The following GPR158 variants were observed in gnomAD, a reference collection of about 807,000 sequenced individuals.
The protein encoded by GPR158 is metabotropic glycine receptor.
GPR158 carries 30 observed loss-of-function variants against 78.2 expected under a neutral mutation model. The ratio of observed to expected loss-of-function variants is 0.38; its 90% CI spans 0.29 to 0.52. GPR158 has a LOEUF of 0.52. Among genes scored for constraint, GPR158 ranks in the 20% least tolerant of loss-of-function variants. The pLI, the probability that GPR158 is intolerant of heterozygous loss-of-function variation, is 0.83. For synonymous variants in GPR158, 581 were observed against 591.1 expected (o/e 0.98, Z 0.25); for missense variants, 1,463 against 1,523.5 (o/e 0.96, Z 0.66).
chr10:25,345,033 CCTAATA>C (rs1219387351), intron 2 of GPR158, among the ~76,000 whole-genome samples: 1 of 151,960 alleles, frequency 6.6e-6, no homozygotes, highest in Non-Finnish European at 1.5e-5. Flanking sequence ...GATCTCACCT[CCTAATA>C]CTATCACCTT....
At chr10:25,205,508 T>G (rs1853012430) in intron 1 of GPR158, among the ~76,000 whole-genome samples, 1 of 152,100 alleles carries the variant, frequency 6.6e-6, no homozygotes, top group Non-Finnish European at 1.5e-5. Flanking sequence ...CCTTTATGTG[T>G]GATGTTCGGC....
intron 2 of GPR158, among the ~76,000 whole-genome samples, chr10:25,224,880 A>G (rs1316297920): frequency 6.6e-6 from 1 of 152,124 alleles, no homozygotes; most frequent in Non-Finnish European, 1.5e-5. Flanking sequence ...TCGGTTAAAA[A>G]CCCACTGAAT....
intron 2 of GPR158, among the ~76,000 whole-genome samples, chr10:25,231,457 T>C (rs921318741): frequency 6.6e-6 from 1 of 152,344 alleles, no homozygotes; most frequent in Non-Finnish European, 1.5e-5. Context: ...TCATGGTGTT[T>C]GGAGTCTGCT....
chr10:25,432,358 T>G (rs1834923093), intron 4 of GPR158, among the ~76,000 whole-genome samples: 1 of 152,216 alleles, frequency 6.6e-6, no homozygotes, highest in East Asian at 1.9e-4. Flanking sequence ...GACTATAAAC[T>G]GATAGAATGT....
intron 2 of GPR158, among the ~76,000 whole-genome samples, chr10:25,377,524 A>C (rs1311099046): frequency 6.6e-6 from 1 of 152,000 alleles, no homozygotes; most frequent in Non-Finnish European, 1.5e-5. Flanking sequence ...CCCTGTACTC[A>C]TTAGGTTCAT....
rs547597371 is a variant in GPR158 at position 25,204,853 on chromosome 10, C to T, written c.903-16199C>T. 2.0e-3 allele frequency among the ~76,000 whole-genome samples: 247 copies of T among 124,118 alleles called. 10 individuals carry two copies. The South Asian group carries it at 0.05, about 25-fold the overall frequency. The allele number at this position is 124,118 out of a possible 152,430, so 81.4% of individuals were successfully genotyped here. On this transcript the variant is annotated intron_variant, in intron 1 of 10. Coordinates refer to ENST00000376351, the MANE Select transcript of GPR158 (RefSeq NM_020752.3). ...TTTTTTTTTGTCATTTCGGTGGGGT[C>T]GGTGGTAATGTCCCTGATATGGTTT... is the stretch of plus-strand genomic sequence containing the variant.
At chr10:25,289,432 T>C (rs932516700) in intron 2 of GPR158, among the ~76,000 whole-genome samples, 2 of 151,762 alleles carry the variant, frequency 1.3e-5, no homozygotes, top group Non-Finnish European at 2.9e-5. Context: ...AGCATTTAAA[T>C]TTTTATTTTT....
At chr10:25,569,473 T>C (rs141462885) in intron 6 of GPR158, among the ~76,000 whole-genome samples, 1 of 152,348 alleles carries the variant, frequency 6.6e-6, no homozygotes, top group East Asian at 1.9e-4. Context: ...ATTTTAACCA[T>C]GGAAAGAATA....
At chr10:25,399,766 T>A (rs565705884) in intron 3 of GPR158, among the ~76,000 whole-genome samples, 1 of 152,310 alleles carries the variant, frequency 6.6e-6, no homozygotes, top group South Asian at 2.1e-4. Context: ...TACTCAATAT[T>A]TTTTTAATTT....
intron 2 of GPR158, among the ~76,000 whole-genome samples, chr10:25,256,501 T>G (rs1853890073): frequency 6.6e-6 from 1 of 151,964 alleles, no homozygotes; most frequent in African/African-American, 2.4e-5. Context: ...TCTACAATTT[T>G]TTTTTTAATT....
At chr10:25,240,120 G>A (rs891580318) in intron 2 of GPR158, among the ~76,000 whole-genome samples, 2 of 152,192 alleles carry the variant, frequency 1.3e-5, no homozygotes, top group African/African-American at 4.8e-5. Context: ...TTAAAGTCAT[G>A]ATAGGTCATC....
chr10:25,319,829 CCA>C (rs1491313836), intron 2 of GPR158, among the ~76,000 whole-genome samples: 1 of 144,606 alleles, frequency 6.9e-6, no homozygotes, highest in Admixed American at 6.8e-5. Flanking sequence ...CCCACCCCCC[CCA>C]AAAAAAAACC....
chr10:25,588,341 G>A (rs576289808), intron 7 of GPR158, among the ~76,000 whole-genome samples: 3 of 152,312 alleles, frequency 2.0e-5, no homozygotes, highest in African/African-American at 7.2e-5. Flanking sequence ...CGGTGCTGAA[G>A]TCCTCGTTCT....
At position 25,594,372 on chromosome 10, in the gene GPR158, C is replaced by T. The variant is rs992470114; in HGVS notation, c.1973C>T (p.Thr658Ile). The change falls in exon 9 of 11, where the codon ACC (threonine) becomes ATC (isoleucine). Residue 658 changes from threonine to isoleucine, a missense_variant. Thr to Ile is a moderately conservative substitution (Grantham distance 89). Coordinates refer to ENST00000376351, the MANE Select transcript of GPR158 (RefSeq NM_020752.3). Reference protein sequence around the residue: ...FAHTHLTVTVTIGLLLIPKFS... With the variant: ...FAHTHLTVTVIIGLLLIPKFS... ...CATACTCATTTGACTGTGACAGTCA[C>T]CATTGGGTTGCTTTTGATTCCAAAG... 20 of 1,555,754 alleles carry T rather than the reference C, an allele frequency of 1.3e-5. No individual in the cohort carries two copies. The highest frequency in any genetic ancestry group is 1.7e-5 in the Non-Finnish European group (19 of 1,131,458).
In GPR158 at chr10:25,598,606, A is replaced by G; in HGVS notation, c.2980A>G (p.Thr994Ala). 6.2e-7 allele frequency: 1 copy of G among 1,614,080 alleles called. No individual in the cohort carries two copies. The highest frequency in any genetic ancestry group is 1.1e-5 in the South Asian group (1 of 91,064). The change falls in exon 11 of 11, where the codon ACC (threonine) becomes GCC (alanine). Residue 994 changes from threonine (T) to alanine (A), a missense_variant. Transcript: ENST00000376351. ...TGCCAATTCTGACCTGAACCCAGGC[A>G]CCACCCAGATGAAGGACAACTTTGA... is the stretch of plus-strand genomic sequence containing the variant. Reference protein sequence around the residue: ...TTANSDLNPGTTQMKDNFDIG... With the variant: ...TTANSDLNPGATQMKDNFDIG...
At position 25,331,940 on chromosome 10, in the gene GPR158, GAA is replaced by G. The variant is rs373731290; in HGVS notation, c.1009-63967_1009-63966del. 1.7e-3 allele frequency among the ~76,000 whole-genome samples: 260 copies of G among 152,064 alleles called. 1 individual carries two copies. The highest frequency in any genetic ancestry group is 6.0e-3 in the African/African-American group (248 of 41,482). ...CTATTTGCTCTATTGGTGTATGTTT[GAA>G]AAAGTCTGCAATAAAAAGTTAAAAG... On this transcript the variant is annotated intron_variant, in intron 2 of 10. Coordinates refer to ENST00000376351, the MANE Select transcript of GPR158 (RefSeq NM_020752.3).
intron 2 of GPR158, among the ~76,000 whole-genome samples, chr10:25,332,291 A>T (rs1222771015): frequency 6.6e-6 from 1 of 152,232 alleles, no homozygotes; most frequent in South Asian, 2.1e-4. Context: ...TTTGATGAAG[A>T]TAGAAAATAG....
intron 4 of GPR158, among the ~76,000 whole-genome samples, chr10:25,431,552 A>G (rs1273884682): frequency 7.2e-6 from 1 of 138,522 alleles, no homozygotes; most frequent in Admixed American, 7.2e-5. Context: ...ATAAAGACAC[A>G]TGCACACGTA....
rs540553636 is a variant in GPR158, at chr10:25,314,647, G to GT, written c.1009-81254dup. Among the ~76,000 whole-genome samples, 984 of 138,978 alleles carry GT rather than the reference G, an allele frequency of 7.1e-3. 3 individuals carry two copies. The highest frequency in any genetic ancestry group is 0.015 in the Middle Eastern group (4 of 270). 91.2% of individuals were successfully genotyped at this position (138,978 alleles called of 152,430 possible). ...ACTTTGTTTCTTGTGACTGACTGTT[G>GT]TTTTTTTTTTAGCTTTTGATTAGCT... is the stretch of plus-strand genomic sequence containing the variant. On this transcript the variant is annotated intron_variant, in intron 2 of 10. Transcript: ENST00000376351.
Sources: gnomAD v4.1 joint callset for allele counts (sites outside exome capture counted in the v4.1 genomes callset) on GRCh38, gnomAD v4.1.1 for gene constraint, MANE v1.5 for transcripts, NCBI Gene and HGNC (gene_info 2026-07-23, HGNC 2026-07-21) for gene names.